Variants in UAP1L1 observed in about 807,000 individuals in gnomAD.
The protein encoded by UAP1L1 is UDP-N-acetylglucosamine pyrophosphorylase 1 like 1.
A neutral mutation model predicts 45.3 loss-of-function variants in UAP1L1; 45 were observed. The observed-to-expected ratio is 0.99, with a 90% CI of 0.78 to 1.27. The LOEUF (loss-of-function observed/expected upper bound fraction) is 1.27, where lower values mean the gene tolerates loss of function less well. Among genes scored for constraint, UAP1L1 ranks in the 50% most tolerant of loss-of-function variants. The pLI is 0.00. For synonymous variants in UAP1L1, 323 were observed against 303.9 expected (o/e 1.06, Z -0.65); for missense variants, 667 against 694.0 (o/e 0.96, Z 0.44).
Position 137,078,619 on chromosome 9 carries a change from T to C in UAP1L1, c.612T>C (p.Ala204=). 1 of 1,613,120 alleles carries C rather than the reference T, an allele frequency of 6.2e-7. No individual in the cohort carries two copies. Reference sequence around the variant, plus strand: ...TGTTTGAGCAGCGCCTGCTGCCTGCTGTGACCTTTGATGGCAAGGTTATCC... The same window carrying C: ...TGTTTGAGCAGCGCCTGCTGCCTGCCGTGACCTTTGATGGCAAGGTTATCC... ...VVMFEQRLLP[A]VTFDGKVILE... Residue 204 remains alanine, a synonymous_variant, in exon 3 of 9, where the codon GCT becomes GCC. Transcript: ENST00000409858.
At chr9:137,080,207 G>C in intron 6 of UAP1L1, 65 bp downstream of exon 6, 1 of 1,591,570 alleles carries the variant, frequency 6.3e-7, no homozygotes, top group Non-Finnish European at 8.6e-7. Flanking sequence ...TGGGAACTGA[G>C]GCGCAGCTGG....
At chr9:137,080,178 C>T (rs748157896) in intron 6 of UAP1L1, 36 bp downstream of exon 6, 7 of 1,610,046 alleles carry the variant, frequency 4.3e-6, no homozygotes, top group South Asian at 2.2e-5. Flanking sequence ...CCCCTTCTTC[C>T]TTCTCTCAGT....
Position 137,082,899 on chromosome 9 carries a change from C to A in UAP1L1, c.*170C>A, listed in dbSNP as rs7851870. ...CCCCATGCTTCCAGCCTGCAGAACA[C>A]AGAATGAAACATGCTGGTAGACTCC... On this transcript the variant is annotated 3_prime_UTR_variant, in exon 9 of 9. Transcript: ENST00000409858. The surrounding 1 kb of genome is among the most constrained non-coding windows in gnomAD (Gnocchi z 5.7). 0.027 allele frequency: 16,315 copies of A among 601,512 alleles called. 1,772 individuals are homozygous for A. The highest frequency in any genetic ancestry group is 0.25 in the African/African-American group (13,496 of 53,894). 37.3% of individuals were successfully genotyped at this position (601,512 alleles called of 1,614,324 possible).
intron 5 of UAP1L1, chr9:137,079,727 C>T (rs1006868589): frequency 6.8e-6 from 4 of 585,588 alleles, no homozygotes; most frequent in African/African-American, 1.9e-5. Context: ...TGCCCTGGTG[C>T]CCAGGGTGCT....
chr9:137,079,242 G>T lies in UAP1L1; in HGVS notation c.844-14G>T. On this transcript the variant is annotated splice_polypyrimidine_tract_variant and intron_variant, in intron 4 of 8. Transcript: ENST00000409858. The stretch of plus-strand genomic sequence containing the variant: ...CGCCCAGCCCTCGGAACCCATCCCT[G>T]GTCTTGGCTGCAGGTGGTGGAAAAG... 1 of 1,606,286 alleles carries T rather than the reference G, an allele frequency of 6.2e-7. No individual in the cohort carries two copies.
chr9:137,080,633 T>G, intron 6 of UAP1L1, 56 bp from the exon 7 acceptor site: 1 of 1,536,344 alleles, frequency 6.5e-7, no homozygotes, highest in South Asian at 1.2e-5. Flanking sequence ...AGCTCTCACC[T>G]GCCCGGATCA....
chr9:137,082,912 G>A lies in UAP1L1; in HGVS notation c.*183G>A. The A allele has an allele frequency of 1.7e-6, 1 of 590,900 alleles. No individual in the cohort carries two copies. The allele number at this position is 590,900 out of a possible 1,614,324, so 36.6% of individuals were successfully genotyped here. A position where few individuals can be genotyped will look rare whatever the true frequency, so the allele number is the denominator to read the frequency against. On this transcript the variant is annotated 3_prime_UTR_variant, in exon 9 of 9. Transcript: ENST00000409858. The surrounding 1 kb of genome is among the most constrained non-coding windows in gnomAD (Gnocchi z 5.7). ...GCCTGCAGAACACAGAATGAAACAT[G>A]CTGGTAGACTCCACGAGGGCAGGGC...
rs1317118300 is a variant in UAP1L1, at chr9:137,082,397, G to T, written c.1432-240G>T. 6.7e-6 allele frequency: 4 copies of T among 594,754 alleles called. No individual in the cohort carries two copies. Among genetic ancestry groups the T allele is most frequent in the African/African-American group, 1.9e-5 (1 of 53,710 alleles). 36.8% of individuals were successfully genotyped at this position (594,754 alleles called of 1,614,324 possible). ...TCGGCTGCCCTTGCCCCTTTCTCTGGTCAGGTCAGACCTGTGCGTGACAGG... is the reference window on the plus strand; with the variant it reads ...TCGGCTGCCCTTGCCCCTTTCTCTGTTCAGGTCAGACCTGTGCGTGACAGG... On this transcript the variant is annotated intron_variant, in intron 8 of 8. Transcript: ENST00000409858. This position sits in a 1 kb window ranked among gnomAD's most constrained non-coding sequence, Gnocchi z 5.7.
At position 137,082,637 on chromosome 9, in the gene UAP1L1, G is replaced by C. The variant is rs766217229; in HGVS notation, c.1432G>C (p.Gly478Arg). The C allele has an allele frequency of 2.6e-6, 4 of 1,551,724 alleles. No homozygotes were observed. The South Asian group carries it at 3.6e-5, about 14-fold the overall frequency. The change falls in exon 9 of 9, where the codon GGT becomes CGT. Residue 478 changes from glycine to arginine, a missense_variant and splice_region_variant. By Grantham distance (125) the Gly-to-Arg change is moderately radical (BLOSUM62 -2). Transcript: ENST00000409858. The surrounding 1 kb of genome is among the most constrained non-coding windows in gnomAD (Gnocchi z 5.7). ...ISPLVSYSGE[G>R]LEVYLQGREF... ...GCCATTGTCCCCTGCTCGTCTCCAG[G>C]GTTTAGAAGTGTACCTGCAAGGCCG...
chr9:137,080,279 G>A, intron 6 of UAP1L1, 137 bp downstream of exon 6: 1 of 1,163,960 alleles, frequency 8.6e-7, no homozygotes, highest in Non-Finnish European at 1.2e-6. Context: ...GAGAAGACCA[G>A]AGGGTGCTCT....
At position 137,077,628 on chromosome 9, in the gene UAP1L1, C is replaced by CGCGCTGCTGGCGGAGCTG. The variant is rs1276635714; in HGVS notation, c.107_124dup (p.Ala36_Leu41dup). ...CCGAGCTGGCGCCGGAGCCACGAGC[C>CGCGCTGCTGGCGGAGCTG]GCGCTGCTGGCGGAGCTGGCGCTGC... On this transcript the variant is annotated inframe_insertion, in exon 1 of 9. Coordinates refer to ENST00000409858, the MANE Select transcript of UAP1L1 (RefSeq NM_207309.3). The surrounding 1 kb of genome is among the most constrained non-coding windows in gnomAD (Gnocchi z 4.7). The CGCGCTGCTGGCGGAGCTG allele has an allele frequency of 8.3e-6, 11 of 1,331,604 alleles. No homozygotes were observed. The highest frequency in any genetic ancestry group is 1.5e-5 in the African/African-American group (1 of 64,704). 82.5% of individuals were successfully genotyped at this position (1,331,604 alleles called of 1,614,324 possible).
rs1181838537 is a variant in UAP1L1 at position 137,077,731 on chromosome 9, T to G, written c.199T>G (p.Leu67Val). 1 of 1,183,794 alleles carries G rather than the reference T, an allele frequency of 8.4e-7. No individual in the cohort carries two copies. The highest frequency in any genetic ancestry group is 3.6e-5 in the East Asian group (1 of 27,526). The allele number at this position is 1,183,794 out of a possible 1,614,324, so 73.3% of individuals were successfully genotyped here. ...GCGCCCCCACGGCCCGCCGCCCGAC[T>G]TGGCCGCGCGCCTGCGGCCCCTGCC... ...CARPHGPPPDLAARLRPLPPE... is the reference protein window; with the variant it reads ...CARPHGPPPDVAARLRPLPPE... Residue 67 changes from leucine to valine, a missense_variant, in exon 1 of 9, where the codon TTG (leucine) becomes GTG (valine). Transcript: ENST00000409858. The surrounding 1 kb of genome is among the most constrained non-coding windows in gnomAD (Gnocchi z 4.7).
At chr9:137,081,047 G>A (rs1375345579) in intron 7 of UAP1L1, among the ~76,000 whole-genome samples, 173 bp downstream of exon 7, 2 of 152,198 alleles carry the variant, frequency 1.3e-5, no homozygotes, top group African/African-American at 4.8e-5. Flanking sequence ...GTCACACGGT[G>A]ACTGTCGGCA....
intron 5 of UAP1L1, chr9:137,079,775 C>T: frequency 3.2e-6 from 2 of 618,630 alleles, no homozygotes; most frequent in Non-Finnish European, 5.6e-6. Flanking sequence ...TTTGCCTGGG[C>T]AGGGATGTGG....
intron 6 of UAP1L1, 34 bp from the exon 7 acceptor site, chr9:137,080,655 C>T (rs769797621): frequency 1.2e-4 from 196 of 1,579,542 alleles, no homozygotes; most frequent in Non-Finnish European, 1.6e-4. Context: ...GGCCTCTGTG[C>T]TGGGACGTGG....
Position 137,079,109 on chromosome 9 carries a change from C to T in UAP1L1, c.804C>T (p.Ile268=). Residue 268 remains isoleucine (I), a synonymous_variant, in exon 4 of 9, where the codon ATC becomes ATT. Coordinates refer to ENST00000409858, the MANE Select transcript of UAP1L1 (RefSeq NM_207309.3). ...ILVRLADPVF[I]GFCVLQGADC... ...TGCGGCTGGCGGACCCTGTCTTCATCGGCTTCTGTGTGTTGCAGGGCGCAG... is the reference window on the plus strand; with the variant it reads ...TGCGGCTGGCGGACCCTGTCTTCATTGGCTTCTGTGTGTTGCAGGGCGCAG... The T allele has an allele frequency of 6.2e-7, 1 of 1,611,782 alleles. No individual in the cohort carries two copies. Among genetic ancestry groups the T allele is most frequent in the Non-Finnish European group, 8.5e-7 (1 of 1,179,628 alleles).
intron 7 of UAP1L1, among the ~76,000 whole-genome samples, chr9:137,081,536 T>C (rs1054693265): frequency 6.6e-6 from 1 of 152,090 alleles, no homozygotes; most frequent in African/African-American, 2.4e-5. Context: ...TTTTTCTTAT[T>C]TGTATACATT....
In UAP1L1 at chr9:137,082,026, A is replaced by G. The variant is rs1180131092; in HGVS notation, c.1393A>G (p.Ile465Val). 3.7e-6 allele frequency: 6 copies of G among 1,614,106 alleles called. No homozygotes were observed. Among genetic ancestry groups the G allele is most frequent in the Non-Finnish European group, 5.1e-6 (6 of 1,180,018 alleles). Reference sequence around the variant, plus strand: ...GCCCCCAAATGGAGACCCTCCGGCCATCTGTGAGATATCGCCCTTGGTGTC... The same window carrying G: ...GCCCCCAAATGGAGACCCTCCGGCCGTCTGTGAGATATCGCCCTTGGTGTC... Reference protein sequence around the residue: ...SLPPNGDPPAICEISPLVSYS... With the variant: ...SLPPNGDPPAVCEISPLVSYS... The change falls in exon 8 of 9, where the codon ATC (isoleucine) becomes GTC (valine). Residue 465 changes from isoleucine (I) to valine (V), a missense_variant. Coordinates refer to ENST00000409858, the MANE Select transcript of UAP1L1 (RefSeq NM_207309.3). The surrounding 1 kb of genome is among the most constrained non-coding windows in gnomAD (Gnocchi z 5.7).
rs1225280691 is a variant in UAP1L1 at position 137,077,705 on chromosome 9, C to T, written c.173C>T (p.Ala58Val). ...EHCRRAAEAC[A>V]RPHGPPPDLA... is the part of the protein sequence containing the mutation. ...TGCCGGCGGGCGGCGGAGGCCTGCG[C>T]GCGCCCCCACGGCCCGCCGCCCGAC... Residue 58 changes from alanine to valine, a missense_variant, in exon 1 of 9, where the codon GCG (alanine) becomes GTG (valine). Transcript: ENST00000409858. This position sits in a 1 kb window ranked among gnomAD's most constrained non-coding sequence, Gnocchi z 4.7. The T allele has an allele frequency of 1.7e-5, 20 of 1,149,248 alleles. No homozygotes were observed. The highest frequency in any genetic ancestry group is 4.2e-5 in the South Asian group (1 of 23,788). 71.2% of individuals were successfully genotyped at this position (1,149,248 alleles called of 1,614,324 possible).
Sources: allele counts gnomAD v4.1 joint callset (sites outside exome capture counted in the v4.1 genomes callset), GRCh38; gene constraint gnomAD v4.1.1; non-coding constraint Gnocchi (gnomAD v3.1); transcripts MANE v1.5; gene names NCBI Gene and HGNC (gene_info 2026-07-23, HGNC 2026-07-21).